The following AOPEP variants were observed in gnomAD, a reference collection of about 807,000 sequenced individuals.
The protein encoded by AOPEP is aminopeptidase O (putative).
In AOPEP, 77 loss-of-function variants were observed where a neutral mutation model predicts 98.1. That is an observed-to-expected ratio of 0.78 (90% CI 0.65 to 0.95). The LOEUF (loss-of-function observed/expected upper bound fraction) is 0.95, where lower values mean the gene tolerates loss of function less well. Ranked by LOEUF, AOPEP falls within the 40% of genes least tolerant of loss-of-function variation. The pLI, the probability that AOPEP is intolerant of heterozygous loss-of-function variation, is 0.00. For synonymous variants in AOPEP, 346 were observed against 365.3 expected, an observed-to-expected ratio of 0.95 and a Z score of 0.60; for missense variants, 1,024 against 1,024.7, an observed-to-expected ratio of 1.00 and a Z score of 0.01.
At chr9:94,757,521 T>C (rs890397682) in intron 1 of AOPEP, among the ~76,000 whole-genome samples, 2 of 152,248 alleles carry the variant, frequency 1.3e-5, no homozygotes, top group Non-Finnish European at 2.9e-5. Context: ...GGCAGCCTCA[T>C]TCTCTGCCAC....
chr9:95,123,738 ACTGT>A, the AOPEP span: 3 of 692,256 alleles, frequency 4.3e-6, no homozygotes, highest in African/African-American at 1.8e-5. Flanking sequence ...AAGCTACATT[ACTGT>A]CTGAGTTGTG....
At chr9:94,994,650 T>C (rs2061108998) in intron 11 of AOPEP, among the ~76,000 whole-genome samples, 1 of 152,174 alleles carries the variant, frequency 6.6e-6, no homozygotes, top group South Asian at 2.1e-4. Context: ...CAGAGAGCAA[T>C]GTAGAAATAT....
the AOPEP span, among the ~76,000 whole-genome samples, chr9:95,105,953 A>AG: frequency 9.2e-5 from 14 of 152,228 alleles, no homozygotes; most frequent in African/African-American, 2.2e-4. Context: ...ATGGCCCTCC[A>AG]GCCCCTGCTT....
At chr9:95,090,317 C>T (rs1203242025), downstream of AOPEP, among the ~76,000 whole-genome samples, 1 of 152,250 alleles carries the variant, frequency 6.6e-6, no homozygotes, top group East Asian at 1.9e-4. Context: ...CGGGTCCAGT[C>T]CTTCCCCCTG....
chr9:94,892,767 G>A (rs12344052), intron 5 of AOPEP, among the ~76,000 whole-genome samples: 6,869 of 152,248 alleles, frequency 0.045, 229 homozygotes, highest in South Asian at 0.1. Context: ...AGCCTGGAGT[G>A]TATTGGTACC....
At chr9:94,830,673 G>T (rs558620220) in intron 5 of AOPEP, among the ~76,000 whole-genome samples, 1 of 152,358 alleles carries the variant, frequency 6.6e-6, no homozygotes, top group South Asian at 2.1e-4. Flanking sequence ...CTCACCAAGT[G>T]TAAAAGCATT....
At chr9:94,855,862 T>A (rs1203991503) in intron 5 of AOPEP, among the ~76,000 whole-genome samples, 1 of 152,156 alleles carries the variant, frequency 6.6e-6, no homozygotes, top group South Asian at 2.1e-4. Context: ...AAGTCACAGG[T>A]GTCCTCTTCT....
chr9:94,743,617 A>C (rs545405115), intron 1 of AOPEP, among the ~76,000 whole-genome samples: 26 of 152,186 alleles, frequency 1.7e-4, no homozygotes, highest in Non-Finnish European at 3.4e-4. Context: ...ATCATGAGCA[A>C]CTCAAAAGGC....
the AOPEP span, chr9:95,126,491 T>C: frequency 2.5e-6 from 4 of 1,593,714 alleles, no homozygotes; most frequent in Non-Finnish European, 3.4e-6. Flanking sequence ...TGGAACCTTT[T>C]TTACATCAAT....
At chr9:95,043,400 A>G (rs968269555) in intron 13 of AOPEP, among the ~76,000 whole-genome samples, 1 of 152,120 alleles carries the variant, frequency 6.6e-6, no homozygotes, top group African/African-American at 2.4e-5. Context: ...CCAACTGCTG[A>G]CATAAAGAGA....
intron 14 of AOPEP, among the ~76,000 whole-genome samples, chr9:95,070,765 C>A (rs1426137723): frequency 1.3e-5 from 2 of 152,238 alleles, no homozygotes; most frequent in African/African-American, 4.8e-5. Flanking sequence ...AAGCCCAACT[C>A]TGAGAGTGGC....
At chr9:95,101,339 T>TCTAAGA in the AOPEP span, 24 of 382,288 alleles carry the variant, frequency 6.3e-5, no homozygotes, top group African/African-American at 4.8e-4. Context: ...AATTCTTGGT[T>TCTAAGA]CTAAGACTTT....
chr9:94,916,093 A>G (rs1456083707), intron 5 of AOPEP, among the ~76,000 whole-genome samples: 1 of 152,220 alleles, frequency 6.6e-6, no homozygotes, highest in Admixed American at 6.5e-5. Flanking sequence ...TACGGCTCTC[A>G]GTTGTGCCAT....
At position 94,972,116 on chromosome 9, in the gene AOPEP, G is replaced by A. The variant is rs1192368232; in HGVS notation, c.1916+4315G>A. ...GGAGAGGTGGAGCTATGGCAGGGAC[G>A]GTGACCGTGGTGGTGGGTTTGAGAG... On this transcript the variant is annotated intron_variant, in intron 10 of 16. Transcript: ENST00000375315. This position sits in a 1 kb window ranked among gnomAD's most constrained non-coding sequence, Gnocchi z 4.2. Among the ~76,000 whole-genome samples, 2 of 152,202 alleles carry A rather than the reference G, an allele frequency of 1.3e-5. No homozygotes were observed. The highest frequency in any genetic ancestry group is 6.5e-5 in the Admixed American group (1 of 15,278).
At chr9:94,763,814 G>A (rs1295127939) in intron 2 of AOPEP, among the ~76,000 whole-genome samples, 1 of 152,262 alleles carries the variant, frequency 6.6e-6, no homozygotes, top group South Asian at 2.1e-4. Context: ...AAGTAGTTTC[G>A]AATGACATCC....
chr9:94,768,125 T>C (rs1480520831), intron 2 of AOPEP, among the ~76,000 whole-genome samples: 1 of 152,144 alleles, frequency 6.6e-6, no homozygotes, highest in Non-Finnish European at 1.5e-5. Flanking sequence ...CTTGTAACCC[T>C]TGGAAACTTA....
chr9:94,766,334 C>T (rs188280425), intron 2 of AOPEP, among the ~76,000 whole-genome samples: 16 of 152,254 alleles, frequency 1.1e-4, no homozygotes, highest in African/African-American at 2.9e-4. Context: ...GTCAGGAGAT[C>T]GAGACCATCC....
chr9:95,049,569 T>C (rs1265107453), intron 13 of AOPEP, among the ~76,000 whole-genome samples: 3 of 152,222 alleles, frequency 2.0e-5, no homozygotes, highest in African/African-American at 4.8e-5. Flanking sequence ...CGGGAAGTTA[T>C]AGGAAATGTT....
intron 7 of AOPEP, among the ~76,000 whole-genome samples, chr9:94,936,034 C>T (rs2056222741): frequency 1.3e-5 from 2 of 152,202 alleles, no homozygotes; most frequent in Non-Finnish European, 2.9e-5. Context: ...TAAGGATTTC[C>T]TCAATTCAAC....
Sources: gnomAD v4.1 joint callset for allele counts (sites outside exome capture counted in the v4.1 genomes callset) on GRCh38, gnomAD v4.1.1 for gene constraint, Gnocchi (gnomAD v3.1) non-coding constraint, MANE v1.5 for transcripts, NCBI Gene and HGNC (gene_info 2026-07-23, HGNC 2026-07-21) for gene names.